Variants in PTPN3 observed in about 807,000 individuals in gnomAD.
PTPN3 encodes the protein tyrosine-protein phosphatase non-receptor type 3.
Under a neutral mutation model 132.7 loss-of-function variants are expected in PTPN3, and 96 were observed. The observed-to-expected ratio is 0.72, with a 90% CI of 0.61 to 0.86. The LOEUF is 0.86. PTPN3 is among the 40% of genes least tolerant of loss of function. The pLI, the probability that PTPN3 is intolerant of heterozygous loss-of-function variation, is 0.00. For missense variants in PTPN3, 1,125 were observed against 1,159.6 expected, an observed-to-expected ratio of 0.97 and a Z score of 0.43; for synonymous variants, 398 against 429.0, an observed-to-expected ratio of 0.93 and a Z score of 0.89.
In PTPN3 at chr9:109,427,018, C is replaced by A. The variant is rs757195571; in HGVS notation, c.933G>T (p.Lys311Asn). Residue 311 changes from lysine (K) to asparagine (N), a missense_variant, in exon 12 of 26, where the codon AAG becomes AAT. Coordinates refer to ENST00000374541, the MANE Select transcript of PTPN3 (RefSeq NM_002829.4). ...CATTCTTTTCCTGAGGTAGTAGCTTCTTTGCCTGAAAGAACGTATGGTGCT... is the reference window on the plus strand; with the variant it reads ...CATTCTTTTCCTGAGGTAGTAGCTTATTTGCCTGAAAGAACGTATGGTGCT... ...CVEHHTFFQA[K>N]KLLPQEKNVL... is the part of the protein sequence containing the mutation. 2 of 1,613,910 alleles carry A rather than the reference C, an allele frequency of 1.2e-6. No individual in the cohort carries two copies. Among genetic ancestry groups the A allele is most frequent in the South Asian group, 2.2e-5 (2 of 91,068 alleles).
At chr9:109,386,313 G>A (rs1839579234) in intron 22 of PTPN3, among the ~76,000 whole-genome samples, 1 of 152,224 alleles carries the variant, frequency 6.6e-6, no homozygotes, top group Non-Finnish European at 1.5e-5. Context: ...CACTATCTCA[G>A]GAAGATGGAC....
intron 1 of PTPN3, among the ~76,000 whole-genome samples, chr9:109,466,256 A>G (rs1358694542): frequency 6.6e-6 from 1 of 152,210 alleles, no homozygotes; most frequent in African/African-American, 2.4e-5. Flanking sequence ...TATATAACAT[A>G]GACTATATAG....
chr9:109,422,801 G>T lies in PTPN3; in HGVS notation c.1053C>A (p.Asn351Lys). The T allele has an allele frequency of 6.2e-7, 1 of 1,612,308 alleles. No individual in the cohort carries two copies. The highest frequency in any genetic ancestry group is 8.5e-7 in the Non-Finnish European group (1 of 1,178,424). The part of the protein sequence containing the change: ...CKKVIGGMVW[N>K]PAMRRSLSVE... ...CTGATAAGGATCTCCGCATGGCTGGGTTCCACACCATCCCGCCAATCACCT... is the reference window on the plus strand; with the variant it reads ...CTGATAAGGATCTCCGCATGGCTGGTTTCCACACCATCCCGCCAATCACCT... Residue 351 changes from asparagine to lysine, a missense_variant, in exon 13 of 26, where the codon AAC becomes AAA. Asn to Lys is a moderately conservative substitution (Grantham distance 94). Coordinates refer to ENST00000374541, the MANE Select transcript of PTPN3 (RefSeq NM_002829.4).
the PTPN3 span, among the ~76,000 whole-genome samples, chr9:109,521,917 C>T: frequency 0.067 from 10,235 of 152,152 alleles, 522 homozygotes; most frequent in East Asian, 0.23. Context: ...CTAGTCTTAT[C>T]CCTTCATTTT....
At chr9:109,412,548 T>C (rs1448302240) in intron 14 of PTPN3, among the ~76,000 whole-genome samples, 1 of 152,166 alleles carries the variant, frequency 6.6e-6, no homozygotes, top group Non-Finnish European at 1.5e-5. Context: ...TAATTTTTTA[T>C]ATTTTTAGTA....
chr9:109,397,593 C>G (rs1352455431), intron 19 of PTPN3: 1 of 152,208 alleles, frequency 6.6e-6, no homozygotes, highest in African/African-American at 2.4e-5. Context: ...AGCCAGAGGG[C>G]AAGAGAAACC....
intron 18 of PTPN3, among the ~76,000 whole-genome samples, chr9:109,406,246 C>G (rs1003664454): frequency 3.3e-5 from 5 of 152,144 alleles, no homozygotes; most frequent in African/African-American, 9.6e-5. Flanking sequence ...GGCGCTGTCT[C>G]CCCCCAGAAG....
Position 109,383,489 on chromosome 9 carries a change from G to T in PTPN3, c.2316C>A (p.Ile772=), listed in dbSNP as rs1839298332. ...PDVMNHGGFH[I]QCQSEDCTIA... ...TGGTGCAGTCCTCTGACTGACACTG[G>T]ATGTGAAAGCCGCCGTGGTTCATGA... The change falls in exon 23 of 26, where the codon ATC becomes ATA. Residue 772 remains isoleucine (I), a synonymous_variant. Transcript: ENST00000374541. The T allele has an allele frequency of 1.2e-6, 2 of 1,614,156 alleles. No individual in the cohort carries two copies. The highest frequency in any genetic ancestry group is 1.6e-4 in the Middle Eastern group (1 of 6,062).
At chr9:109,461,849 C>T (rs1171212969) in intron 2 of PTPN3, among the ~76,000 whole-genome samples, 1 of 152,132 alleles carries the variant, frequency 6.6e-6, no homozygotes, top group Non-Finnish European at 1.5e-5. Flanking sequence ...TTAGTGCAGA[C>T]ACAGAATATT....
the PTPN3 span, among the ~76,000 whole-genome samples, chr9:109,532,430 T>A: frequency 6.6e-6 from 1 of 152,166 alleles, no homozygotes; most frequent in African/African-American, 2.4e-5. Context: ...TTTAAGACCT[T>A]ATTAACAGGT....
At chr9:109,440,737 C>T (rs543783731) in intron 7 of PTPN3, among the ~76,000 whole-genome samples, 1 of 152,212 alleles carries the variant, frequency 6.6e-6, no homozygotes, top group Non-Finnish European at 1.5e-5. Context: ...GTTAACAGTC[C>T]CATCCCTGGT....
intron 5 of PTPN3, chr9:109,450,722 T>C (rs1031221020): frequency 1.9e-5 from 19 of 985,398 alleles, no homozygotes; most frequent in Non-Finnish European, 2.2e-5. Flanking sequence ...GAAGAAGATA[T>C]TTATTTAACA....
intron 9 of PTPN3, among the ~76,000 whole-genome samples, chr9:109,435,694 G>A (rs1322103659): frequency 6.6e-6 from 1 of 152,188 alleles, no homozygotes; most frequent in Non-Finnish European, 1.5e-5. Context: ...TTCACTGACA[G>A]TTCTTGGGGT....
the PTPN3 span, among the ~76,000 whole-genome samples, chr9:109,512,558 C>A: frequency 5.5e-4 from 83 of 152,184 alleles, no homozygotes; most frequent in African/African-American, 2.0e-3. Context: ...TTTGGTAACA[C>A]CTGCTTCCTG....
At chr9:109,405,067 G>C (rs1047959292) in intron 18 of PTPN3, among the ~76,000 whole-genome samples, 5 of 152,210 alleles carry the variant, frequency 3.3e-5, no homozygotes, top group African/African-American at 4.8e-5. Context: ...ATTCCTGAGA[G>C]CTCAATCCCT....
At chr9:109,488,824 A>G (rs541400857) in intron 1 of PTPN3, among the ~76,000 whole-genome samples, 1 of 152,276 alleles carries the variant, frequency 6.6e-6, no homozygotes, top group African/African-American at 2.4e-5. Flanking sequence ...TGGGATCCCT[A>G]GATGCTGGTT....
intron 19 of PTPN3, among the ~76,000 whole-genome samples, chr9:109,398,242 A>G (rs1002135311): frequency 1.3e-5 from 2 of 152,198 alleles, no homozygotes; most frequent in Admixed American, 1.3e-4. Context: ...AAGATCACAC[A>G]CTGCTGCACT....
At chr9:109,426,031 AAAAG>A (rs1053006693) in intron 12 of PTPN3, among the ~76,000 whole-genome samples, 3 of 150,344 alleles carry the variant, frequency 2.0e-5, no homozygotes, top group Non-Finnish European at 4.4e-5. Context: ...AAAAAAAAAG[AAAAG>A]AAAGAAAGAA....
At chr9:109,408,685 G>A (rs548638262) in intron 16 of PTPN3, among the ~76,000 whole-genome samples, 1 of 151,244 alleles carries the variant, frequency 6.6e-6, no homozygotes, top group Non-Finnish European at 1.5e-5. Context: ...CCTTAAAAAC[G>A]CAGATGCCCC....
Sources: gnomAD v4.1 joint callset for allele counts (sites outside exome capture counted in the v4.1 genomes callset) on GRCh38, gnomAD v4.1.1 for gene constraint, MANE v1.5 for transcripts, NCBI Gene and HGNC (gene_info 2026-07-23, HGNC 2026-07-21) for gene names.